Variants in MYO9A observed in about 807,000 individuals in gnomAD.
MYO9A encodes myosin IXA.
MYO9A carries 103 observed loss-of-function variants against 293.3 expected under a neutral mutation model. The ratio of observed to expected loss-of-function variants is 0.35; its 90% CI spans 0.30 to 0.41. The LOEUF (loss-of-function observed/expected upper bound fraction) is 0.41. MYO9A is among the 10% of genes least tolerant of loss of function. The probability of loss-of-function intolerance (pLI) is 1.00; values close to 1 mark genes in which losing one functional copy is unlikely to be tolerated. For missense variants in MYO9A, 2,685 were observed against 3,033.0 expected (o/e 0.89, Z 2.69); for synonymous variants, 1,001 against 1,035.7 (o/e 0.97, Z 0.64).
intron 6 of MYO9A, among the ~76,000 whole-genome samples, chr15:72,014,851 A>T (rs1481379305): frequency 3.3e-5 from 5 of 151,922 alleles, no homozygotes; most frequent in African/African-American, 1.2e-4. Context: ...TGCTTTTTTT[A>T]AATTTTTTTG....
chr15:72,010,376 T>C lies in MYO9A; in HGVS notation c.1227A>G (p.Val409=), dbSNP rs760901015. 6.2e-7 allele frequency: 1 copy of C among 1,613,596 alleles called. No homozygotes were observed. The highest frequency in any genetic ancestry group is 8.5e-7 in the Non-Finnish European group (1 of 1,179,654). Reference sequence around the variant, plus strand: ...GTCTTCGTGTCTTGGGAAGAAATCCTACCATTTCCATGGCAAGTTGTAGGC... The same window carrying C: ...GTCTTCGTGTCTTGGGAAGAAATCCCACCATTTCCATGGCAAGTTGTAGGC... ...FERLQLAMEM[V]GFLPKTRRQI... The change falls in exon 7 of 42, where the codon GTA becomes GTG. Residue 409 remains valine (V), a synonymous_variant. Transcript: ENST00000356056.
At chr15:71,861,062 A>C (rs2056104345) in intron 33 of MYO9A, among the ~76,000 whole-genome samples, 1 of 151,814 alleles carries the variant, frequency 6.6e-6, no homozygotes, top group Non-Finnish European at 1.5e-5. Context: ...TTACAGAAGA[A>C]ACTAAACCTA....
At chr15:71,849,202 C>A (rs1247995896) in intron 38 of MYO9A, among the ~76,000 whole-genome samples, 1 of 152,148 alleles carries the variant, frequency 6.6e-6, no homozygotes, top group African/African-American at 2.4e-5. Flanking sequence ...GTAATCCCAG[C>A]GCTTTGGGAG....
intron 39 of MYO9A, among the ~76,000 whole-genome samples, chr15:71,842,859 C>CAAA (rs35367150): frequency 9.3e-5 from 11 of 118,356 alleles, no homozygotes; most frequent in African/African-American, 3.3e-4. Flanking sequence ...GACTCCACCT[C>CAAA]AAAAAAAAAA....
chr15:71,900,905 G>A (rs934951539), intron 23 of MYO9A, among the ~76,000 whole-genome samples: 1 of 152,080 alleles, frequency 6.6e-6, no homozygotes, highest in African/African-American at 2.4e-5. Flanking sequence ...AAACAACTAT[G>A]TCAACAAATA....
In MYO9A at chr15:71,903,884, T is replaced by C. The variant is rs768668900; in HGVS notation, c.2877+45A>G. On this transcript the variant is annotated intron_variant, in intron 21 of 41. Transcript: ENST00000356056. ...ATAAGCAAGATATGTGGGAATCATT[T>C]ACTTGATGTGTCTAAATATGTAAAT... is the stretch of plus-strand genomic sequence containing the variant. 2.7e-6 allele frequency: 4 copies of C among 1,485,242 alleles called. No homozygotes were observed. In the Admixed American group the frequency reaches 7.1e-5, roughly 26 times the overall value. 92.0% of individuals were successfully genotyped at this position (1,485,242 alleles called of 1,614,324 possible). A position where few individuals can be genotyped will look rare whatever the true frequency, so the allele number is the denominator to read the frequency against.
chr15:71,966,915 C>T (rs941156278), intron 13 of MYO9A, among the ~76,000 whole-genome samples: 1 of 152,040 alleles, frequency 6.6e-6, no homozygotes, highest in African/African-American at 2.4e-5. Flanking sequence ...AATAATAACC[C>T]CCTGTCTATT....
Position 71,854,516 on chromosome 15 carries a change from G to A in MYO9A, c.6207C>T (p.Thr2069=). 1.9e-6 allele frequency: 3 copies of A among 1,612,536 alleles called. No individual in the cohort carries two copies. The highest frequency in any genetic ancestry group is 2.5e-6 in the Non-Finnish European group (3 of 1,179,290). The change falls in exon 35 of 42, where the codon ACC becomes ACT. Residue 2069 remains threonine (T), a synonymous_variant. Coordinates refer to ENST00000356056, the MANE Select transcript of MYO9A (RefSeq NM_006901.4). ...CTAAAGGAACAGTTCGGTCTTCACT[G>A]GTCAAACGGGACAGTTCAACCCCAA... ...RQFGVELSRL[T]SEDRTVPLVV...
chr15:71,850,801 A>AAAAAAAAAAAT (rs2055610415), intron 37 of MYO9A, among the ~76,000 whole-genome samples: 1 of 135,274 alleles, frequency 7.4e-6, no homozygotes, highest in African/African-American at 3.0e-5. Flanking sequence ...AAAAAAAAAA[A>AAAAAAAAAAAT]GAATGCAGAG....
chr15:71,880,619 C>T (rs2056846220), intron 28 of MYO9A, 61 bp from the exon 29 acceptor site: 2 of 1,392,742 alleles, frequency 1.4e-6, no homozygotes, highest in East Asian at 2.3e-5. Flanking sequence ...ATAATCTTCA[C>T]ATCCTTCTTT....
rs538398064 is a variant in MYO9A at position 71,991,122 on chromosome 15, T to G, written c.1703A>C (p.His568Pro). 6.2e-7 allele frequency: 1 copy of G among 1,602,778 alleles called. No individual in the cohort carries two copies. The highest frequency in any genetic ancestry group is 1.7e-5 in the Admixed American group (1 of 58,010). ...NERLQHYFNQHIFKLEQEEYR... is the reference protein window; with the variant it reads ...NERLQHYFNQPIFKLEQEEYR... ...ACTCACTTGTTCCAATTTAAAGATA[T>G]GCTGATTAAAGTAGTGCTGTAAACG... The change falls in exon 11 of 42, where the codon CAT becomes CCT. Residue 568 changes from histidine to proline, a missense_variant. Physicochemically the swap from His to Pro is moderately conservative, Grantham distance 77. Around this residue, in one of 10 missense-constraint regions of MYO9A, gnomAD observed 201 missense variants for 245.2 expected, o/e 0.82. Transcript: ENST00000356056.
chr15:71,895,950 T>A (rs2057314961), intron 25 of MYO9A, among the ~76,000 whole-genome samples: 1 of 152,138 alleles, frequency 6.6e-6, no homozygotes, highest in South Asian at 2.1e-4. Context: ...CATTAAAGAA[T>A]ATTAAAGAGC....
chr15:71,852,350 G>C (rs1245897304), intron 35 of MYO9A, 90 bp from the exon 36 acceptor site: 1 of 1,212,878 alleles, frequency 8.2e-7, no homozygotes, highest in East Asian at 2.7e-5. Flanking sequence ...ATTAAAGGAA[G>C]GCTTCATGTT....
chr15:71,907,754 G>A (rs2144168546), intron 19 of MYO9A, among the ~76,000 whole-genome samples: 1 of 152,122 alleles, frequency 6.6e-6, no homozygotes, highest in South Asian at 2.1e-4. Flanking sequence ...TTTGAGAAGT[G>A]TCTGTTCATG....
rs2057245571 is a variant in MYO9A at position 71,893,757 on chromosome 15, G to A, written c.5064C>T (p.Asn1688=). 6.2e-7 allele frequency: 1 copy of A among 1,613,702 alleles called. No individual in the cohort carries two copies. Among genetic ancestry groups the A allele is most frequent in the African/African-American group, 1.3e-5 (1 of 75,022 alleles). The change falls in exon 26 of 42, where the codon AAC becomes AAT. Residue 1688 remains asparagine (N), a synonymous_variant. Transcript: ENST00000356056. The part of the protein sequence containing the change: ...SIPLVSKEAL[N]SKNPQLHKED... The stretch of plus-strand genomic sequence containing the variant: ...CTTTATGGAGTTGAGGATTTTTACT[G>A]TTTAAGGCTTCTTTGCTGACACTTT...
intron 1 of MYO9A, among the ~76,000 whole-genome samples, chr15:72,051,058 T>C (rs12443127): frequency 0.043 from 6,525 of 152,192 alleles, 255 homozygotes; most frequent in East Asian, 0.18. Flanking sequence ...TTTTGTTTTG[T>C]TTTTGTATTT....
intron 20 of MYO9A, among the ~76,000 whole-genome samples, chr15:71,904,277 G>A (rs1015298306): frequency 1.3e-5 from 2 of 152,328 alleles, no homozygotes; most frequent in African/African-American, 4.8e-5. Context: ...CTCTGGTTGT[G>A]AAGAGAGAGG....
At chr15:71,970,967 G>A (rs573918721) in intron 12 of MYO9A, among the ~76,000 whole-genome samples, 6 of 151,780 alleles carry the variant, frequency 4.0e-5, no homozygotes, top group Non-Finnish European at 1.5e-5. Context: ...GACCATCCTG[G>A]CTAACACAGT....
intron 19 of MYO9A, among the ~76,000 whole-genome samples, chr15:71,910,087 CGT>C (rs993048171): frequency 1.1e-4 from 16 of 143,630 alleles, no homozygotes; most frequent in Admixed American, 9.9e-4. Context: ...TATATATACA[CGT>C]ATATATATAT....
Sources: allele counts gnomAD v4.1 joint callset (sites outside exome capture counted in the v4.1 genomes callset), GRCh38; gene constraint gnomAD v4.1.1; regional missense constraint gnomAD v4.1.1; transcripts MANE v1.5; gene names NCBI Gene and HGNC (gene_info 2026-07-23, HGNC 2026-07-21).